GPC5: variants seen among roughly 807,000 people sequenced by gnomAD.
GPC5 encodes glypican-5.
A neutral mutation model predicts 53.9 loss-of-function variants in GPC5; 47 were observed. That is an observed-to-expected ratio of 0.87 (90% CI 0.69 to 1.11). GPC5 has a LOEUF of 1.11. GPC5 is among the 50% of genes most tolerant of loss of function. The pLI is 0.00. For missense variants in GPC5, 748 were observed against 713.1 expected (o/e 1.05, Z -0.56); for synonymous variants, 286 against 263.3 (o/e 1.09, Z -0.84).
chr13:92,068,350 T>G (rs2138861704), intron 6 of GPC5, among the ~76,000 whole-genome samples: 1 of 151,966 alleles, frequency 6.6e-6, no homozygotes, highest in Middle Eastern at 3.4e-3. Context: ...GGAAATAAAA[T>G]AGACTTTTAT....
chr13:91,687,295 A>C (rs935534084), intron 2 of GPC5, among the ~76,000 whole-genome samples: 1 of 151,934 alleles, frequency 6.6e-6, no homozygotes, highest in Non-Finnish European at 1.5e-5. Context: ...ATATCACTCA[A>C]TTTTATCTCT....
rs1213616074 is a variant in GPC5 at position 92,533,323 on chromosome 13, A to G, written c.1562-332959A>G. Among the ~76,000 whole-genome samples, 12 of 152,146 alleles carry G rather than the reference A, an allele frequency of 7.9e-5. 1 individual carries two copies. ...CTGTTTTCTTTGAGCTAGCAAGCATATCTTGATAAATTGTGAAATGCCCCT... is the reference window on the plus strand; with the variant it reads ...CTGTTTTCTTTGAGCTAGCAAGCATGTCTTGATAAATTGTGAAATGCCCCT... On this transcript the variant is annotated intron_variant, in intron 7 of 7. Coordinates refer to ENST00000377067, the MANE Select transcript of GPC5 (RefSeq NM_004466.6).
At chr13:91,656,910 A>C (rs1256279112) in intron 2 of GPC5, among the ~76,000 whole-genome samples, 1 of 152,176 alleles carries the variant, frequency 6.6e-6, no homozygotes, top group Non-Finnish European at 1.5e-5. Flanking sequence ...TGGTGATAAA[A>C]GGCTAAACGA....
At chr13:92,513,094 C>T (rs1400301375) in intron 7 of GPC5, among the ~76,000 whole-genome samples, 2 of 152,160 alleles carry the variant, frequency 1.3e-5, no homozygotes, top group South Asian at 2.1e-4. Context: ...AGGTCACCGG[C>T]GGAAGGCCAT....
chr13:91,682,236 T>C (rs1362505069), intron 2 of GPC5, among the ~76,000 whole-genome samples: 1 of 152,226 alleles, frequency 6.6e-6, no homozygotes, highest in African/African-American at 2.4e-5. Flanking sequence ...GTCGTGCTAG[T>C]AAGAGTACCC....
Position 92,512,234 on chromosome 13 carries a change from A to ATGTGTG in GPC5, c.1562-354037_1562-354032dup, listed in dbSNP as rs1555339433. ...AATTTTTTTTTATTTTGTAGATTGT[A>ATGTGTG]TGTGTGTGTGTGTGTGCGCGCGCGC... On this transcript the variant is annotated intron_variant, in intron 7 of 7. Transcript: ENST00000377067. 2.5e-3 allele frequency among the ~76,000 whole-genome samples: 367 copies of ATGTGTG among 148,804 alleles called. 3 individuals are homozygous for ATGTGTG. Among genetic ancestry groups the ATGTGTG allele is most frequent in the South Asian group, 8.2e-3 (39 of 4,734 alleles).
At chr13:91,730,151 T>C (rs920979689) in intron 4 of GPC5, among the ~76,000 whole-genome samples, 2 of 152,242 alleles carry the variant, frequency 1.3e-5, no homozygotes, top group African/African-American at 4.8e-5. Context: ...AGTCCACTTA[T>C]GCATTTCAAT....
intron 7 of GPC5, among the ~76,000 whole-genome samples, chr13:92,385,523 T>C (rs867013907): frequency 1.2e-4 from 17 of 137,700 alleles, no homozygotes; most frequent in African/African-American, 3.6e-4. Flanking sequence ...TACATACATA[T>C]GCATATATAC....
intron 7 of GPC5, among the ~76,000 whole-genome samples, chr13:92,249,451 C>T (rs2042676495): frequency 6.6e-6 from 1 of 152,088 alleles, no homozygotes; most frequent in African/African-American, 2.4e-5. Flanking sequence ...TTGTCCCTTA[C>T]ATTTCTTCTG....
intron 7 of GPC5, among the ~76,000 whole-genome samples, chr13:92,415,547 C>T (rs1876248681): frequency 6.6e-6 from 1 of 152,000 alleles, no homozygotes; most frequent in Non-Finnish European, 1.5e-5. Context: ...TAGGGTTTTG[C>T]AGGTAATATT....
chr13:92,595,996 CTTAT>C (rs1401679067), intron 7 of GPC5, among the ~76,000 whole-genome samples: 1 of 152,042 alleles, frequency 6.6e-6, no homozygotes, highest in African/African-American at 2.4e-5. Flanking sequence ...TGTCACTGCT[CTTAT>C]TTGCTATTCT....
chr13:92,661,383 C>A (rs1886337343), intron 7 of GPC5, among the ~76,000 whole-genome samples: 1 of 151,448 alleles, frequency 6.6e-6, no homozygotes, highest in Admixed American at 6.6e-5. Flanking sequence ...CAATTGTCAA[C>A]ACTCAGTGTA....
chr13:91,825,512 C>T (rs2038563226), intron 5 of GPC5, among the ~76,000 whole-genome samples: 1 of 152,024 alleles, frequency 6.6e-6, no homozygotes, highest in African/African-American at 2.4e-5. Context: ...CCACTTCATT[C>T]CAATTCCAGC....
rs151243952 is a variant in GPC5 at position 92,769,750 on chromosome 13, C to T, written c.1562-96532C>T. ...ATAGATTATTATTTAAATGAAAACCCCAAAGGTGATAGATATGTCTAAAAG... is the reference window on the plus strand; with the variant it reads ...ATAGATTATTATTTAAATGAAAACCTCAAAGGTGATAGATATGTCTAAAAG... On this transcript the variant is annotated intron_variant, in intron 7 of 7. Coordinates refer to ENST00000377067, the MANE Select transcript of GPC5 (RefSeq NM_004466.6). 3.0e-3 allele frequency among the ~76,000 whole-genome samples: 461 copies of T among 151,926 alleles called. 18 individuals are homozygous for T. The East Asian group carries it at 0.067, about 22-fold the overall frequency.
chr13:91,728,222 A>G (rs1469291469), intron 3 of GPC5, among the ~76,000 whole-genome samples: 1 of 152,170 alleles, frequency 6.6e-6, no homozygotes, highest in Non-Finnish European at 1.5e-5. Context: ...AATAATATCT[A>G]TTTTGGTAAA....
chr13:92,628,341 T>C (rs1232452976), intron 7 of GPC5, among the ~76,000 whole-genome samples: 1 of 135,552 alleles, frequency 7.4e-6, no homozygotes, highest in Non-Finnish European at 1.5e-5. Context: ...AGTGGGGCAG[T>C]CTTGGCTCAC....
chr13:92,234,032 C>T (rs1355703943), intron 7 of GPC5, among the ~76,000 whole-genome samples: 1 of 152,148 alleles, frequency 6.6e-6, no homozygotes, highest in African/African-American at 2.4e-5. Context: ...TGTATATGTG[C>T]CACATTTTCT....
chr13:91,450,281 A>T (rs942442211), intron 2 of GPC5, among the ~76,000 whole-genome samples: 1 of 152,162 alleles, frequency 6.6e-6, no homozygotes, highest in Admixed American at 6.6e-5. Context: ...TTAAACCAAG[A>T]TTTGTGATTT....
intron 2 of GPC5, among the ~76,000 whole-genome samples, chr13:91,532,802 T>C (rs116154183): frequency 0.017 from 2,595 of 152,008 alleles, 72 homozygotes; most frequent in African/African-American, 0.059. Context: ...GGGGCGGAGG[T>C]TGCAGTGAGC....
Sources: gnomAD v4.1 joint callset for allele counts (sites outside exome capture counted in the v4.1 genomes callset) on GRCh38, gnomAD v4.1.1 for gene constraint, MANE v1.5 for transcripts, NCBI Gene and HGNC (gene_info 2026-07-23, HGNC 2026-07-21) for gene names.